The following TNFAIP8L3 variants were observed in gnomAD, a reference collection of about 807,000 sequenced individuals.
The protein encoded by TNFAIP8L3 is tumor necrosis factor alpha-induced protein 8-like protein 3.
Under a neutral mutation model 11.8 loss-of-function variants are expected in TNFAIP8L3, and 7 were observed. That is an observed-to-expected ratio of 0.59 (90% confidence interval 0.34 to 1.11). The LOEUF (loss-of-function observed/expected upper bound fraction) is 1.11, where lower values mean the gene tolerates loss of function less well. Ranked by LOEUF, TNFAIP8L3 falls within the 50% of genes most tolerant of loss-of-function variation. The probability of loss-of-function intolerance (pLI) is 0.03; values close to 1 mark genes in which losing one functional copy is unlikely to be tolerated. For synonymous variants in TNFAIP8L3, 98 were observed against 103.8 expected, an observed-to-expected ratio of 0.94 and a Z score of 0.34; for missense variants, 219 against 258.6, an observed-to-expected ratio of 0.85 and a Z score of 1.05.
intron 1 of TNFAIP8L3, among the ~76,000 whole-genome samples, chr15:51,082,814 T>G (rs11636974): frequency 0.37 from 56,442 of 151,988 alleles, 10,821 homozygotes; most frequent in African/African-American, 0.43. Context: ...AGGGTCAAGA[T>G]CGTCAAAACA....
chr15:51,063,864 C>T (rs2065254335), intron 1 of TNFAIP8L3, among the ~76,000 whole-genome samples: 1 of 152,168 alleles, frequency 6.6e-6, no homozygotes, highest in Non-Finnish European at 1.5e-5. Context: ...TAGGTAGGGA[C>T]AGCTATGACG....
chr15:51,094,530 CG>C lies in TNFAIP8L3; in HGVS notation c.52+13del. ...CCCAGCCCACCCGCCTGGGCCGTCG[CG>C]GCCCCTAGGTACCTGCGGCGGTCAC... On this transcript the variant is annotated intron_variant, in intron 1 of 1. Coordinates refer to ENST00000637513, the MANE Select transcript of TNFAIP8L3 (RefSeq NM_001311175.2). This position sits in a 1 kb window ranked among gnomAD's most constrained non-coding sequence, Gnocchi z 4.4. 6.7e-7 allele frequency: 1 copy of C among 1,490,846 alleles called. No individual in the cohort carries two copies. Among genetic ancestry groups the C allele is most frequent in the Non-Finnish European group, 8.9e-7 (1 of 1,124,674 alleles). 92.4% of individuals were successfully genotyped at this position (1,490,846 alleles called of 1,614,324 possible). A position where few individuals can be genotyped will look rare whatever the true frequency, so the allele number is the denominator to read the frequency against.
intron 1 of TNFAIP8L3, among the ~76,000 whole-genome samples, chr15:51,078,027 G>A (rs1053767672): frequency 1.3e-5 from 2 of 152,144 alleles, no homozygotes; most frequent in African/African-American, 4.8e-5. Flanking sequence ...CTTAACTGTC[G>A]TGTTCACCGT....
Position 51,092,464 on chromosome 15 carries a change from CAGG to C in TNFAIP8L3, c.52+2077_52+2079del, listed in dbSNP as rs747854608. On this transcript the variant is annotated intron_variant, in intron 1 of 1. Coordinates refer to ENST00000637513, the MANE Select transcript of TNFAIP8L3 (RefSeq NM_001311175.2). ...CATCCAGCTTTGAAGCACTGTCATACAGGAGAATACTTTAAGATGGAATATAAT... is the reference window on the plus strand; with the variant it reads ...CATCCAGCTTTGAAGCACTGTCATACAGAATACTTTAAGATGGAATATAAT... Among the ~76,000 whole-genome samples the C allele has an allele frequency of 9.2e-5, 14 of 152,248 alleles. No individual in the cohort carries two copies. In the East Asian group the frequency reaches 1.2e-3, roughly 13 times the overall value.
exon 1 of TNFAIP8L3, chr15:51,105,012 C>T: frequency 1.9e-6 from 3 of 1,614,178 alleles, no homozygotes; most frequent in Non-Finnish European, 2.5e-6. Flanking sequence ...GACCAAGTCC[C>T]TTTCCCCTCT....
At chr15:51,104,199 G>T (rs1203070840) in intron 1 of TNFAIP8L3, among the ~76,000 whole-genome samples, 1 of 152,114 alleles carries the variant, frequency 6.6e-6, no homozygotes, top group Non-Finnish European at 1.5e-5. Flanking sequence ...TTTCTACCAT[G>T]AGTCTCTTGA....
chr15:51,076,045 A>G (rs1381214630), intron 1 of TNFAIP8L3, among the ~76,000 whole-genome samples: 3 of 152,198 alleles, frequency 2.0e-5, no homozygotes, highest in African/African-American at 7.2e-5. Context: ...ATGAATCCTG[A>G]ACAATGACAT....
chr15:51,094,838 G>T lies in TNFAIP8L3; in HGVS notation c.-243C>A. 2.5e-6 allele frequency: 1 copy of T among 401,034 alleles called. No homozygotes were observed. Among genetic ancestry groups the T allele is most frequent in the South Asian group, 1.0e-4 (1 of 9,632 alleles). The allele number at this position is 401,034 out of a possible 1,614,324, so 24.8% of individuals were successfully genotyped here. On this transcript the variant is annotated 5_prime_UTR_variant, in exon 1 of 2. Transcript: ENST00000637513. The surrounding 1 kb of genome is among the most constrained non-coding windows in gnomAD (Gnocchi z 4.4). ...GCGAGGCGAGCGCAGGGCGGAGGGT[G>T]GGGCGCTCCGGGAGACAGCCGGGAG...
chr15:51,105,113 C>A (rs752986139), exon 1 of TNFAIP8L3: 1 of 1,614,156 alleles, frequency 6.2e-7, no homozygotes. Flanking sequence ...CACAGTTTCC[C>A]CTTTGGCTCT....
intron 1 of TNFAIP8L3, among the ~76,000 whole-genome samples, chr15:51,083,885 A>C (rs2065409252): frequency 1.3e-5 from 2 of 152,204 alleles, no homozygotes; most frequent in African/African-American, 2.4e-5. Flanking sequence ...TGGAAGAGCA[A>C]ATTTCAAGGG....
At chr15:51,101,713 A>G (rs113084145) in intron 1 of TNFAIP8L3, among the ~76,000 whole-genome samples, 3,469 of 151,992 alleles carry the variant, frequency 0.023, 168 homozygotes, top group African/African-American at 0.08. Flanking sequence ...TTGGGAGGCC[A>G]AGGTGGGCGG....
At chr15:51,063,329 A>AG (rs2065251755) in intron 1 of TNFAIP8L3, among the ~76,000 whole-genome samples, 1 of 152,212 alleles carries the variant, frequency 6.6e-6, no homozygotes, top group South Asian at 2.1e-4. Context: ...TCCAGCAAGG[A>AG]GGGCTTTCCC....
intron 1 of TNFAIP8L3, among the ~76,000 whole-genome samples, chr15:51,066,807 G>A (rs1015639563): frequency 1.3e-5 from 2 of 152,348 alleles, no homozygotes; most frequent in East Asian, 3.9e-4. Context: ...ACTTTAAGTA[G>A]TGTTTTGAAA....
intron 1 of TNFAIP8L3, among the ~76,000 whole-genome samples, chr15:51,076,699 G>A (rs1318750021): frequency 6.6e-6 from 1 of 152,128 alleles, no homozygotes; most frequent in African/African-American, 2.4e-5. Flanking sequence ...TTTTGCCACT[G>A]AGCCAGCAGC....
At chr15:51,093,477 C>T (rs1311371679) in intron 1 of TNFAIP8L3, among the ~76,000 whole-genome samples, 2 of 152,214 alleles carry the variant, frequency 1.3e-5, no homozygotes, top group Non-Finnish European at 2.9e-5. Context: ...GCTTGGTTCC[C>T]GAACCTCTCT....
At chr15:51,077,509 G>A (rs1215763393) in intron 1 of TNFAIP8L3, among the ~76,000 whole-genome samples, 1 of 152,180 alleles carries the variant, frequency 6.6e-6, no homozygotes, top group African/African-American at 2.4e-5. Context: ...AGGGGGCCTA[G>A]TCAAGGAACC....
At chr15:51,101,156 A>G (rs1334018215) in intron 1 of TNFAIP8L3, among the ~76,000 whole-genome samples, 1 of 152,174 alleles carries the variant, frequency 6.6e-6, no homozygotes, top group Non-Finnish European at 1.5e-5. Context: ...AGCTTTCATG[A>G]GGTGACCCCA....
At chr15:51,100,282 A>G (rs2065541099) in intron 1 of TNFAIP8L3, among the ~76,000 whole-genome samples, 1 of 152,196 alleles carries the variant, frequency 6.6e-6, no homozygotes, top group Admixed American at 6.5e-5. Context: ...AGTAGGTTGA[A>G]CAATCCTACC....
At chr15:51,077,281 A>G (rs1334446491) in intron 1 of TNFAIP8L3, among the ~76,000 whole-genome samples, 1 of 152,086 alleles carries the variant, frequency 6.6e-6, no homozygotes, top group African/African-American at 2.4e-5. Flanking sequence ...CCACAGACCA[A>G]ACCACAGACT....
Sources: gnomAD v4.1 joint callset for allele counts (sites outside exome capture counted in the v4.1 genomes callset) on GRCh38, gnomAD v4.1.1 for gene constraint, Gnocchi (gnomAD v3.1) non-coding constraint, MANE v1.5 for transcripts, NCBI Gene and HGNC (gene_info 2026-07-23, HGNC 2026-07-21) for gene names.